ST8SIA5: variants seen among roughly 807,000 people sequenced by gnomAD.
The protein encoded by ST8SIA5 is alpha-2,8-sialyltransferase 8E.
A neutral mutation model predicts 40.2 loss-of-function variants in ST8SIA5; 24 were observed. The ratio of observed to expected loss-of-function variants is 0.60; its 90% confidence interval spans 0.43 to 0.84. The LOEUF (loss-of-function observed/expected upper bound fraction) is 0.84. Among genes scored for constraint, ST8SIA5 ranks in the 40% least tolerant of loss-of-function variants. ST8SIA5 has a pLI of 0.00. For missense variants in ST8SIA5, 465 were observed against 498.5 expected (o/e 0.93, Z 0.64); for synonymous variants, 198 against 201.8 (o/e 0.98, Z 0.16).
At chr18:46,706,046 G>T (rs1323808549) in intron 1 of ST8SIA5, among the ~76,000 whole-genome samples, 1 of 151,556 alleles carries the variant, frequency 6.6e-6, no homozygotes, top group Non-Finnish European at 1.5e-5. Flanking sequence ...CATTGTATTT[G>T]TATTGTCATT....
chr18:46,726,117 C>T (rs1021842271), intron 1 of ST8SIA5, among the ~76,000 whole-genome samples: 1 of 145,376 alleles, frequency 6.9e-6, no homozygotes, highest in Non-Finnish European at 1.5e-5. Context: ...TTGCTTGAAC[C>T]TGGGAGGCAG....
rs142310907 is a variant in ST8SIA5 at position 46,722,356 on chromosome 18, A to T, written c.132-17692T>A. Among the ~76,000 whole-genome samples the T allele has an allele frequency of 2.4e-3, 373 of 152,286 alleles. 1 individual carries two copies. Among genetic ancestry groups the T allele is most frequent in the African/African-American group, 8.4e-3 (350 of 41,564 alleles). On this transcript the variant is annotated intron_variant, in intron 1 of 6. Transcript: ENST00000315087. ...TGTCAGGAGATTGCTTTCTGGGGAAACCGACTCACAGGAGTTCTGCGCTCT... is the reference window on the plus strand; with the variant it reads ...TGTCAGGAGATTGCTTTCTGGGGAATCCGACTCACAGGAGTTCTGCGCTCT...
chr18:46,680,272 T>C lies in ST8SIA5; in HGVS notation c.901A>G (p.Thr301Ala), dbSNP rs1326972960. The C allele has an allele frequency of 2.5e-6, 4 of 1,614,224 alleles. No homozygotes were observed. Among genetic ancestry groups the C allele is most frequent in the Non-Finnish European group, 3.4e-6 (4 of 1,180,038 alleles). Residue 301 changes from threonine (T) to alanine (A), a missense_variant, in exon 7 of 7, where the codon ACC becomes GCC. Coordinates refer to ENST00000315087, the MANE Select transcript of ST8SIA5 (RefSeq NM_013305.6). ...SLGVRAKRIS[T>A]GLILVTAALE... ...GCCGCAGTGACCAGAATGAGGCCGGTGCTGATGCGCTTGGCGCGCACCCCC... is the reference window on the plus strand; with the variant it reads ...GCCGCAGTGACCAGAATGAGGCCGGCGCTGATGCGCTTGGCGCGCACCCCC...
intron 1 of ST8SIA5, among the ~76,000 whole-genome samples, chr18:46,753,325 C>T (rs896071261): frequency 2.0e-5 from 3 of 152,218 alleles, no homozygotes; most frequent in African/African-American, 7.2e-5. Flanking sequence ...GTAATCCCAG[C>T]ACTTTGGAAG....
intron 1 of ST8SIA5, among the ~76,000 whole-genome samples, chr18:46,708,609 GGC>G (rs551138728): frequency 1.6e-3 from 237 of 152,082 alleles, no homozygotes; most frequent in African/African-American, 5.5e-3. Flanking sequence ...CTCACCCCAG[GGC>G]CAGGTCCTAG....
rs553479069 is a variant in ST8SIA5 at position 46,677,698 on chromosome 18, G to T, written c.*2344C>A. 1 of 152,144 alleles carries T rather than the reference G, an allele frequency of 6.6e-6. No individual in the cohort carries two copies. Among genetic ancestry groups the T allele is most frequent in the Admixed American group, 6.5e-5 (1 of 15,282 alleles). 9.4% of individuals were successfully genotyped at this position (152,144 alleles called of 1,614,324 possible). On this transcript the variant is annotated 3_prime_UTR_variant, in exon 7 of 7. Coordinates refer to ENST00000315087, the MANE Select transcript of ST8SIA5 (RefSeq NM_013305.6). ...CCAACTCCTCTGTGGGCTGGATCCC[G>T]ATGCTCCAATCCTCAGCTCCTACGA...
intron 2 of ST8SIA5, among the ~76,000 whole-genome samples, chr18:46,699,300 T>A (rs1009260935): frequency 6.6e-6 from 1 of 152,148 alleles, no homozygotes; most frequent in Non-Finnish European, 1.5e-5. Flanking sequence ...TACCCCTCAA[T>A]TGTGGAAATG....
intron 1 of ST8SIA5, among the ~76,000 whole-genome samples, chr18:46,714,699 C>T (rs2039769071): frequency 6.6e-6 from 1 of 152,182 alleles, no homozygotes; most frequent in South Asian, 2.1e-4. Flanking sequence ...AAGAGACCCC[C>T]TCACTCCACC....
chr18:46,697,712 A>G (rs2039570370), intron 2 of ST8SIA5, among the ~76,000 whole-genome samples: 1 of 152,198 alleles, frequency 6.6e-6, no homozygotes, highest in African/African-American at 2.4e-5. Context: ...TCTCAACAAC[A>G]ATAAAAAGAT....
intron 1 of ST8SIA5, among the ~76,000 whole-genome samples, chr18:46,747,245 C>T (rs910782780): frequency 3.9e-5 from 6 of 152,202 alleles, no homozygotes; most frequent in African/African-American, 1.4e-4. Flanking sequence ...TAAAGAGCTT[C>T]TGCATGGCAA....
chr18:46,723,899 C>CT (rs2039888311), intron 1 of ST8SIA5, among the ~76,000 whole-genome samples: 1 of 151,714 alleles, frequency 6.6e-6, no homozygotes, highest in African/African-American at 2.4e-5. Flanking sequence ...GCACTCCAGC[C>CT]TGGGTGACAA....
intron 1 of ST8SIA5, among the ~76,000 whole-genome samples, chr18:46,741,878 G>C (rs2040089300): frequency 6.6e-6 from 1 of 152,062 alleles, no homozygotes; most frequent in Non-Finnish European, 1.5e-5. Context: ...AAGGAGGATG[G>C]ATCACCTGAG....
chr18:46,705,521 G>A (rs1011686438), intron 1 of ST8SIA5, among the ~76,000 whole-genome samples: 5 of 152,236 alleles, frequency 3.3e-5, no homozygotes, highest in African/African-American at 7.2e-5. Flanking sequence ...CCAGACCCCC[G>A]GAGCTGGAAG....
chr18:46,711,669 TG>T (rs2039734009), intron 1 of ST8SIA5, among the ~76,000 whole-genome samples: 1 of 152,116 alleles, frequency 6.6e-6, no homozygotes, highest in African/African-American at 2.4e-5. Context: ...GTCTGAAAAT[TG>T]CAGCCTGACA....
intron 1 of ST8SIA5, among the ~76,000 whole-genome samples, chr18:46,733,089 C>T (rs746344841): frequency 2.0e-5 from 3 of 152,128 alleles, no homozygotes; most frequent in African/African-American, 7.2e-5. Context: ...AGGGGGTCCA[C>T]GGCACTGTTC....
intron 1 of ST8SIA5, among the ~76,000 whole-genome samples, chr18:46,725,972 AAT>A (rs1555696955): frequency 0.021 from 619 of 28,948 alleles, 21 homozygotes; most frequent in Non-Finnish European, 0.025. Context: ...AAAAAAAAAA[AAT>A]ATATATATAT....
chr18:46,696,784 A>G (rs1401410132), intron 2 of ST8SIA5, among the ~76,000 whole-genome samples: 1 of 152,240 alleles, frequency 6.6e-6, no homozygotes, highest in Non-Finnish European at 1.5e-5. Context: ...ATTCCAGAAG[A>G]GGAATTAAAA....
intron 2 of ST8SIA5, among the ~76,000 whole-genome samples, chr18:46,695,726 G>A (rs537049094): frequency 2.0e-5 from 3 of 152,308 alleles, no homozygotes; most frequent in Admixed American, 6.5e-5. Flanking sequence ...TCAAGCCTAC[G>A]CTCATCACTG....
chr18:46,746,829 G>T (rs896970046), intron 1 of ST8SIA5, among the ~76,000 whole-genome samples: 2 of 150,676 alleles, frequency 1.3e-5, no homozygotes, highest in African/African-American at 2.4e-5. Flanking sequence ...ATATTACAAG[G>T]CTACAGTAAC....
Sources: allele counts gnomAD v4.1 joint callset (sites outside exome capture counted in the v4.1 genomes callset), GRCh38; gene constraint gnomAD v4.1.1; transcripts MANE v1.5; gene names NCBI Gene and HGNC (gene_info 2026-07-23, HGNC 2026-07-21).